The following KRABD5 variants were observed in gnomAD, a reference collection of about 807,000 sequenced individuals.
The protein encoded by KRABD5 is KRAB domain-containing protein 5.
chr16:31,734,421 T>A, the KRABD5 span, among the ~76,000 whole-genome samples: 1 of 152,052 alleles, frequency 6.6e-6, no homozygotes, highest in African/African-American at 2.4e-5. Flanking sequence ...TGGCTAATTT[T>A]AAAAAATTTT....
chr16:31,751,540 T>C, the KRABD5 span, among the ~76,000 whole-genome samples: 1 of 152,192 alleles, frequency 6.6e-6, no homozygotes, highest in Non-Finnish European at 1.5e-5. Context: ...AATTTATCCA[T>C]TTCCTCTAGA....
chr16:31,728,874 G>T, the KRABD5 span, among the ~76,000 whole-genome samples: 1 of 152,050 alleles, frequency 6.6e-6, no homozygotes, highest in South Asian at 2.1e-4. Context: ...TTTAAGTAGG[G>T]TACTAATGTT....
chr16:31,753,205 G>C, the KRABD5 span, among the ~76,000 whole-genome samples: 2 of 152,030 alleles, frequency 1.3e-5, no homozygotes, highest in African/African-American at 2.4e-5. Flanking sequence ...CTATTAAAAA[G>C]GTTTGCTTTT....
chr16:31,745,109 CTCTA>C, the KRABD5 span, among the ~76,000 whole-genome samples: 1 of 152,086 alleles, frequency 6.6e-6, no homozygotes, highest in Admixed American at 6.5e-5. Context: ...TTTTTCATGT[CTCTA>C]TCTCCTTCAA....
At chr16:31,721,367 C>T in the KRABD5 span, among the ~76,000 whole-genome samples, 1 of 151,940 alleles carries the variant, frequency 6.6e-6, no homozygotes, top group Non-Finnish European at 1.5e-5. Context: ...GTTGTGACAC[C>T]TGCTCTGAAC....
chr16:31,753,537 T>G, the KRABD5 span, among the ~76,000 whole-genome samples: 3 of 152,216 alleles, frequency 2.0e-5, no homozygotes, highest in Admixed American at 2.0e-4. Context: ...CTTCCTTCTA[T>G]ATGTGACCAT....
chr16:31,750,468 G>A, the KRABD5 span, among the ~76,000 whole-genome samples: 7 of 152,076 alleles, frequency 4.6e-5, no homozygotes, highest in Admixed American at 1.3e-4. Flanking sequence ...AGAATCATAT[G>A]AGCAGAGATG....
At chr16:31,742,527 T>A in the KRABD5 span, among the ~76,000 whole-genome samples, 1 of 152,224 alleles carries the variant, frequency 6.6e-6, no homozygotes, top group Non-Finnish European at 1.5e-5. Context: ...TTCCATGGTG[T>A]TTATGTACCA....
chr16:31,714,369 C>T, the KRABD5 span: 4 of 456,210 alleles, frequency 8.8e-6, no homozygotes, highest in Admixed American at 9.4e-5. Context: ...CCTGTTAGGT[C>T]ACTGAACATC....
At chr16:31,717,571 G>A in the KRABD5 span, among the ~76,000 whole-genome samples, 1 of 152,182 alleles carries the variant, frequency 6.6e-6, no homozygotes, top group Non-Finnish European at 1.5e-5. Flanking sequence ...GGTGCTGTCA[G>A]GTCTTCTATT....
chr16:31,713,570 C>T, the KRABD5 span: 36 of 1,311,398 alleles, frequency 2.7e-5, no homozygotes, highest in Non-Finnish European at 3.6e-5. Flanking sequence ...GTCCCCTCCG[C>T]CGCAAGATGG....
At chr16:31,755,774 TAG>T in the KRABD5 span, 1 of 351,942 alleles carries the variant, frequency 2.8e-6, no homozygotes, top group Non-Finnish European at 5.5e-6. Flanking sequence ...AAAATCACCA[TAG>T]AGTTTATAGG....
the KRABD5 span, among the ~76,000 whole-genome samples, chr16:31,731,364 CT>C: frequency 0.61 from 92,316 of 151,908 alleles, 29,066 homozygotes; most frequent in Middle Eastern, 0.73. Flanking sequence ...GGGAAGACAA[CT>C]TTCTTCAGGA....
chr16:31,757,887 TA>T, the KRABD5 span: 1 of 151,618 alleles, frequency 6.6e-6, no homozygotes, highest in Non-Finnish European at 1.5e-5. Context: ...GATAGATAGA[TA>T]GATAGATGAA....
chr16:31,752,019 G>A, the KRABD5 span, among the ~76,000 whole-genome samples: 1 of 152,184 alleles, frequency 6.6e-6, no homozygotes, highest in African/African-American at 2.4e-5. Flanking sequence ...TTACTCAAAA[G>A]TTGTTGAGGA....
chr16:31,741,031 G>T, the KRABD5 span, among the ~76,000 whole-genome samples: 1 of 152,040 alleles, frequency 6.6e-6, no homozygotes, highest in African/African-American at 2.4e-5. Flanking sequence ...ATGTCCATAT[G>T]TACCTAATGT....
chr16:31,731,859 TC>T, the KRABD5 span, among the ~76,000 whole-genome samples: 1 of 152,198 alleles, frequency 6.6e-6, no homozygotes, highest in Non-Finnish European at 1.5e-5. Flanking sequence ...TGTTGACAGT[TC>T]TACATCCAGG....
At chr16:31,747,950 C>T in the KRABD5 span, among the ~76,000 whole-genome samples, 1 of 152,180 alleles carries the variant, frequency 6.6e-6, no homozygotes. Flanking sequence ...TGCCTCTTCC[C>T]TCCGATGGTA....
At chr16:31,717,852 T>A in the KRABD5 span, among the ~76,000 whole-genome samples, 2 of 152,152 alleles carry the variant, frequency 1.3e-5, no homozygotes, top group South Asian at 4.1e-4. Flanking sequence ...AAGTGCCTAT[T>A]GCCCCGAAAA....
Sources: gnomAD v4.1 joint callset for allele counts (sites outside exome capture counted in the v4.1 genomes callset) on GRCh38, gnomAD v4.1.1 for gene constraint, MANE v1.5 for transcripts, NCBI Gene and HGNC (gene_info 2026-07-23, HGNC 2026-07-21) for gene names.